FAM180A: variants seen among roughly 807,000 people sequenced by gnomAD.
FAM180A encodes family with sequence similarity 180 member A, also known as protein FAM180A.
FAM180A carries 14 observed loss-of-function variants against 15.3 expected under a neutral mutation model. That is an observed-to-expected ratio of 0.92 (90% CI 0.61 to 1.43). The LOEUF is 1.43. FAM180A is among the 40% of genes most tolerant of loss of function. The pLI, the probability that FAM180A is intolerant of heterozygous loss-of-function variation, is 0.00. For missense variants in FAM180A, 200 were observed against 220.8 expected (o/e 0.91, Z 0.60); for synonymous variants, 90 against 96.8 (o/e 0.93, Z 0.41).
chr7:135,738,555 G>T (rs1454700129), intron 1 of FAM180A, among the ~76,000 whole-genome samples: 4 of 152,232 alleles, frequency 2.6e-5, no homozygotes, highest in Middle Eastern at 3.2e-3. Context: ...TGCTGTTCCA[G>T]TGGTTGCATG....
At chr7:135,731,559 C>T (rs1341988287) in intron 3 of FAM180A, among the ~76,000 whole-genome samples, 1 of 151,848 alleles carries the variant, frequency 6.6e-6, no homozygotes, top group Non-Finnish European at 1.5e-5. Flanking sequence ...AAGACAGAGA[C>T]AAGCAGAGTG....
At chr7:135,746,902 G>A (rs1393808662) in intron 1 of FAM180A, among the ~76,000 whole-genome samples, 1 of 152,092 alleles carries the variant, frequency 6.6e-6, no homozygotes, top group African/African-American at 2.4e-5. Context: ...GAGTTTGAGA[G>A]CAGCCTGGCC....
chr7:135,748,200 G>C (rs1229121187), intron 1 of FAM180A, among the ~76,000 whole-genome samples: 2 of 152,168 alleles, frequency 1.3e-5, no homozygotes, highest in African/African-American at 2.4e-5. Context: ...CAGGTGGTGG[G>C]GGCAGTCGAA....
chr7:135,736,553 G>C (rs1796875716), intron 2 of FAM180A, among the ~76,000 whole-genome samples: 1 of 152,222 alleles, frequency 6.6e-6, no homozygotes, highest in Non-Finnish European at 1.5e-5. Context: ...ACCAATCTGG[G>C]CAGCCTCGGG....
chr7:135,739,998 C>T (rs1796923347), intron 1 of FAM180A, among the ~76,000 whole-genome samples: 1 of 152,192 alleles, frequency 6.6e-6, no homozygotes, highest in Non-Finnish European at 1.5e-5. Flanking sequence ...CCAGACCATG[C>T]TCAGGGAAGG....
chr7:135,729,924 T>C lies in FAM180A; in HGVS notation c.*687A>G, dbSNP rs991598453. 3 of 755,506 alleles carry C rather than the reference T, an allele frequency of 4.0e-6. No individual in the cohort carries two copies. Among genetic ancestry groups the C allele is most frequent in the Non-Finnish European group, 4.8e-6 (3 of 620,572 alleles). The allele number at this position is 755,506 out of a possible 1,614,324, so 46.8% of individuals were successfully genotyped here. On this transcript the variant is annotated 3_prime_UTR_variant, in exon 4 of 4. Coordinates refer to ENST00000338588, the MANE Select transcript of FAM180A (RefSeq NM_205855.4). ...TTACAAGATGAGAAAGTTCCGGGGG[T>C]CTGTTTCACAACATGCATGGAGTTA...
Position 135,737,089 on chromosome 7 carries a change from C to T in FAM180A, c.177+10G>A. 1 of 1,602,880 alleles carries T rather than the reference C, an allele frequency of 6.2e-7. No individual in the cohort carries two copies. Among genetic ancestry groups the T allele is most frequent in the Middle Eastern group, 1.7e-4 (1 of 6,042 alleles). On this transcript the variant is annotated intron_variant, in intron 2 of 3. Coordinates refer to ENST00000338588, the MANE Select transcript of FAM180A (RefSeq NM_205855.4). ...GGTGACTTGGATTGAGCATGTTCCC[C>T]TCTGCCTACCTCGTAGAGCAGCTCC...
chr7:135,734,454 C>T (rs1796842659), intron 2 of FAM180A, 135 bp from the exon 3 acceptor site: 1 of 775,070 alleles, frequency 1.3e-6, no homozygotes, highest in African/African-American at 1.7e-5. Context: ...CCAGTTCTGA[C>T]TTTCTCACTT....
At chr7:135,734,892 CTGTTTTT>C (rs917056673) in intron 2 of FAM180A, among the ~76,000 whole-genome samples, 3 of 152,054 alleles carry the variant, frequency 2.0e-5, no homozygotes, top group Non-Finnish European at 4.4e-5. Context: ...TACTGATTTT[CTGTTTTT>C]TGTTTTTTGT....
chr7:135,730,663 T>C (rs1796767994), intron 3 of FAM180A, among the ~76,000 whole-genome samples: 1 of 152,230 alleles, frequency 6.6e-6, no homozygotes, highest in East Asian at 1.9e-4. Flanking sequence ...ATAGTAATTA[T>C]AACCAAATGT....
intron 3 of FAM180A, 86 bp from the exon 4 acceptor site, chr7:135,730,367 C>T (rs762657514): frequency 2.0e-4 from 67 of 339,122 alleles, no homozygotes; most frequent in Non-Finnish European, 2.6e-4. Flanking sequence ...CATGGTGAAA[C>T]CCCATCTCTG....
intron 1 of FAM180A, 60 bp from the exon 2 acceptor site, chr7:135,737,259 G>T: frequency 1.5e-6 from 2 of 1,316,300 alleles, no homozygotes; most frequent in South Asian, 1.5e-5. Flanking sequence ...TTCTCCCTCT[G>T]ATCCACCTTG....
intron 1 of FAM180A, among the ~76,000 whole-genome samples, chr7:135,747,684 GC>G (rs1484456105): frequency 6.6e-6 from 1 of 152,138 alleles, no homozygotes. Context: ...ACTTGAAGGA[GC>G]CTGTTCTTCT....
At chr7:135,745,625 G>T (rs750132765) in intron 1 of FAM180A, among the ~76,000 whole-genome samples, 2 of 152,130 alleles carry the variant, frequency 1.3e-5, no homozygotes, top group African/African-American at 2.4e-5. Context: ...CTGCCTCCCA[G>T]GGTGGAATCC....
In FAM180A at chr7:135,740,943, T is replaced by G. The variant is rs191759114; in HGVS notation, c.77-3744A>C. ...TCTTATTGCCAAATTAAAGGTATTA[T>G]TCCCTTAAAAAAAAACAAAACAAAA... On this transcript the variant is annotated intron_variant, in intron 1 of 3. Transcript: ENST00000338588. 9.3e-5 allele frequency among the ~76,000 whole-genome samples: 12 copies of G among 129,662 alleles called. No individual in the cohort carries two copies. In the East Asian group the frequency reaches 2.8e-3, roughly 30 times the overall value. 85.1% of individuals were successfully genotyped at this position (129,662 alleles called of 152,430 possible). A position where few individuals can be genotyped will look rare whatever the true frequency, so the allele number is the denominator to read the frequency against.
In FAM180A at chr7:135,737,162, G is replaced by A. The variant is rs907678118; in HGVS notation, c.114C>T (p.Ser38=). 6.2e-7 allele frequency: 1 copy of A among 1,610,120 alleles called. No homozygotes were observed. Among genetic ancestry groups the A allele is most frequent in the Non-Finnish European group, 8.5e-7 (1 of 1,178,824 alleles). Residue 38 remains serine (S), a synonymous_variant, in exon 2 of 4, where the codon TCC becomes TCT. Coordinates refer to ENST00000338588, the MANE Select transcript of FAM180A (RefSeq NM_205855.4). The part of the protein sequence containing the change: ...LFPAAHRPKR[S]SSLPLNPVLQ... ...GGACTGGGTTCAATGGCAGTGATGA[G>A]GACCTCTTTGGCCGGTGGGCGGCAG...
Position 135,729,851 on chromosome 7 carries a change from G to C in FAM180A, c.*760C>G. On this transcript the variant is annotated 3_prime_UTR_variant, in exon 4 of 4. Coordinates refer to ENST00000338588, the MANE Select transcript of FAM180A (RefSeq NM_205855.4). ...ATGGTGCCAAGAGCTGGGGCAGGCAGGGGGAAGGGGAAAAGAGGAGTTGTT... is the reference window on the plus strand; with the variant it reads ...ATGGTGCCAAGAGCTGGGGCAGGCACGGGGAAGGGGAAAAGAGGAGTTGTT... The C allele has an allele frequency of 1.3e-6, 1 of 789,444 alleles. No individual in the cohort carries two copies. Among genetic ancestry groups the C allele is most frequent in the Non-Finnish European group, 1.5e-6 (1 of 651,300 alleles). 48.9% of individuals were successfully genotyped at this position (789,444 alleles called of 1,614,324 possible). A position where few individuals can be genotyped will look rare whatever the true frequency, so the allele number is the denominator to read the frequency against.
intron 1 of FAM180A, among the ~76,000 whole-genome samples, chr7:135,740,607 G>A (rs1796931241): frequency 6.6e-6 from 1 of 152,160 alleles, no homozygotes; most frequent in South Asian, 2.1e-4. Flanking sequence ...ATCACAGACA[G>A]GCCGATGGTG....
At chr7:135,732,215 A>T (rs1392308676) in intron 3 of FAM180A, among the ~76,000 whole-genome samples, 1 of 152,212 alleles carries the variant, frequency 6.6e-6, no homozygotes, top group Non-Finnish European at 1.5e-5. Flanking sequence ...GGGAGGCAGC[A>T]GGGAAACTCA....
Sources: gnomAD v4.1 joint callset for allele counts (sites outside exome capture counted in the v4.1 genomes callset) on GRCh38, gnomAD v4.1.1 for gene constraint, MANE v1.5 for transcripts, NCBI Gene and HGNC (gene_info 2026-07-23, HGNC 2026-07-21) for gene names.